The following LINGO2 variants were observed in gnomAD, a reference collection of about 807,000 sequenced individuals.
LINGO2 encodes the protein leucine rich repeat and Ig domain containing 2, also known as leucine-rich repeat and immunoglobulin-like domain-containing nogo receptor-interacting protein 2.
A neutral mutation model predicts 30.6 loss-of-function variants in LINGO2; 14 were observed. The observed-to-expected ratio is 0.46, with a 90% CI of 0.30 to 0.72. The LOEUF (loss-of-function observed/expected upper bound fraction) is 0.72, where lower values mean the gene tolerates loss of function less well. Among genes scored for constraint, LINGO2 ranks in the 30% least tolerant of loss-of-function variants. The pLI, the probability that LINGO2 is intolerant of heterozygous loss-of-function variation, is 0.07. For synonymous variants in LINGO2, 317 were observed against 288.5 expected (o/e 1.10, Z -1.00); for missense variants, 729 against 751.7 (o/e 0.97, Z 0.35).
chr9:28,856,424 A>G, the LINGO2 span, among the ~76,000 whole-genome samples: 3 of 152,044 alleles, frequency 2.0e-5, no homozygotes, highest in Non-Finnish European at 4.4e-5. Flanking sequence ...AGTATGTTAC[A>G]AACTATGGTG....
the LINGO2 span, among the ~76,000 whole-genome samples, chr9:28,731,677 T>A: frequency 1.1e-4 from 17 of 152,096 alleles, no homozygotes; most frequent in African/African-American, 4.1e-4. Flanking sequence ...ATGGCAGATA[T>A]AGAAACCTGC....
At chr9:28,590,285 A>G (rs1482575170) in intron 1 of LINGO2, among the ~76,000 whole-genome samples, 1 of 152,152 alleles carries the variant, frequency 6.6e-6, no homozygotes, top group Non-Finnish European at 1.5e-5. Context: ...CAATGGCAAT[A>G]AAAGCCAAAA....
chr9:29,196,169 G>C, the LINGO2 span, among the ~76,000 whole-genome samples: 5 of 152,038 alleles, frequency 3.3e-5, no homozygotes, highest in Admixed American at 2.0e-4. Flanking sequence ...AGAGCATCTT[G>C]TGACTAGCTG....
At chr9:28,198,484 T>C (rs1390798423) in intron 4 of LINGO2, among the ~76,000 whole-genome samples, 8 of 152,300 alleles carry the variant, frequency 5.3e-5, no homozygotes, top group African/African-American at 1.9e-4. Context: ...TCAATTTCTT[T>C]CCTTTGCATA....
At chr9:28,865,748 C>T in the LINGO2 span, among the ~76,000 whole-genome samples, 15 of 152,108 alleles carry the variant, frequency 9.9e-5, no homozygotes, top group East Asian at 3.9e-4. Flanking sequence ...CGTGCCACTG[C>T]GCTCCAGCCT....
chr9:28,692,349 C>T, the LINGO2 span, among the ~76,000 whole-genome samples: 18 of 151,984 alleles, frequency 1.2e-4, no homozygotes, highest in Non-Finnish European at 1.9e-4. Flanking sequence ...GTGGTGTGCA[C>T]CTGTAATCCC....
At chr9:28,204,344 G>T (rs571607843) in intron 4 of LINGO2, among the ~76,000 whole-genome samples, 1 of 152,016 alleles carries the variant, frequency 6.6e-6, no homozygotes, top group African/African-American at 2.4e-5. Context: ...TTACTAATAC[G>T]ATTAAGTAAT....
intron 5 of LINGO2, among the ~76,000 whole-genome samples, chr9:27,989,550 A>T (rs965995551): frequency 2.0e-5 from 3 of 151,852 alleles, no homozygotes; most frequent in African/African-American, 7.3e-5. Context: ...TCTGGCAGGC[A>T]CTAGGGGATG....
At chr9:28,706,561 T>C in the LINGO2 span, among the ~76,000 whole-genome samples, 1 of 152,176 alleles carries the variant, frequency 6.6e-6, no homozygotes, top group African/African-American at 2.4e-5. Context: ...AACTTTAAAG[T>C]CAACTTTTGA....
chr9:28,999,114 G>C, the LINGO2 span, among the ~76,000 whole-genome samples: 1 of 152,078 alleles, frequency 6.6e-6, no homozygotes, highest in African/African-American at 2.4e-5. Flanking sequence ...GGGTGCCATA[G>C]ATGGGATTAT....
At chr9:28,009,141 GTT>G (rs59012553) in intron 5 of LINGO2, among the ~76,000 whole-genome samples, 116,204 of 150,206 alleles carry the variant, frequency 0.77, 46,178 homozygotes, top group Admixed American at 0.86. Context: ...AAAGGGAAAA[GTT>G]TTTTTTTTTT....
At chr9:28,330,568 A>G (rs1825382853) in intron 3 of LINGO2, among the ~76,000 whole-genome samples, 1 of 152,174 alleles carries the variant, frequency 6.6e-6, no homozygotes, top group Non-Finnish European at 1.5e-5. Flanking sequence ...GATGTTTACT[A>G]AATACTGAAT....
the LINGO2 span, among the ~76,000 whole-genome samples, chr9:29,114,633 A>T: frequency 2.2e-5 from 3 of 134,784 alleles, no homozygotes; most frequent in Non-Finnish European, 4.6e-5. Context: ...ATTCCCACCT[A>T]TGAGTGAGAA....
At chr9:29,212,888 T>C in the LINGO2 span, among the ~76,000 whole-genome samples, 1 of 152,198 alleles carries the variant, frequency 6.6e-6, no homozygotes, top group Non-Finnish European at 1.5e-5. Context: ...TTATTGTCTC[T>C]GGCAATTCAA....
chr9:28,513,213 C>T (rs1029528238), intron 1 of LINGO2, among the ~76,000 whole-genome samples: 1 of 152,040 alleles, frequency 6.6e-6, no homozygotes, highest in Admixed American at 6.6e-5. Context: ...GTATTCACAC[C>T]TTTTATACCA....
chr9:28,843,036 T>A, the LINGO2 span, among the ~76,000 whole-genome samples: 1 of 151,854 alleles, frequency 6.6e-6, no homozygotes, highest in Non-Finnish European at 1.5e-5. Flanking sequence ...TAAACGCTAA[T>A]ATGAAACTGA....
the LINGO2 span, among the ~76,000 whole-genome samples, chr9:28,788,077 G>A: frequency 2.0e-5 from 3 of 152,212 alleles, no homozygotes; most frequent in East Asian, 5.8e-4. Flanking sequence ...GAACAGGACT[G>A]AGTACTGGAA....
intron 3 of LINGO2, among the ~76,000 whole-genome samples, chr9:28,323,378 T>C (rs1181209636): frequency 6.6e-6 from 1 of 152,154 alleles, no homozygotes; most frequent in African/African-American, 2.4e-5. Context: ...GGTGAGTGGA[T>C]CACTTGAGGT....
At chr9:28,537,223 C>T (rs1408354067) in intron 1 of LINGO2, among the ~76,000 whole-genome samples, 1 of 152,112 alleles carries the variant, frequency 6.6e-6, no homozygotes, top group Non-Finnish European at 1.5e-5. Flanking sequence ...TGATCTCAGA[C>T]ATCTTGCCTC....
Sources: gnomAD v4.1 joint callset for allele counts (sites outside exome capture counted in the v4.1 genomes callset) on GRCh38, gnomAD v4.1.1 for gene constraint, MANE v1.5 for transcripts, NCBI Gene and HGNC (gene_info 2026-07-23, HGNC 2026-07-21) for gene names.